ADK: variants seen among roughly 807,000 people sequenced by gnomAD.
ADK encodes N6,N6-dimethyladenosine kinase.
A neutral mutation model predicts 44.7 loss-of-function variants in ADK; 24 were observed. The ratio of observed to expected loss-of-function variants is 0.54; its 90% confidence interval spans 0.39 to 0.76. The LOEUF is 0.76. Among genes scored for constraint, ADK ranks in the 30% least tolerant of loss-of-function variants. ADK has a pLI of 0.00. For synonymous variants in ADK, 128 were observed against 142.6 expected, an observed-to-expected ratio of 0.90 and a Z score of 0.73; for missense variants, 321 against 425.1, an observed-to-expected ratio of 0.76 and a Z score of 2.15.
chr10:74,551,054 G>T (rs975697438), intron 7 of ADK, among the ~76,000 whole-genome samples: 1 of 152,094 alleles, frequency 6.6e-6, no homozygotes, highest in Non-Finnish European at 1.5e-5. Flanking sequence ...AGACAAGCTT[G>T]TATACAAGAG....
intron 6 of ADK, among the ~76,000 whole-genome samples, chr10:74,449,113 C>T (rs1413434159): frequency 1.3e-5 from 2 of 152,178 alleles, no homozygotes; most frequent in Non-Finnish European, 2.9e-5. Context: ...ATAGGGCAGG[C>T]AACCAGGAAG....
At chr10:74,467,057 GATA>G (rs535883272) in intron 6 of ADK, among the ~76,000 whole-genome samples, 28 of 152,078 alleles carry the variant, frequency 1.8e-4, no homozygotes, top group Non-Finnish European at 3.2e-4. Flanking sequence ...AGAAGGAAAA[GATA>G]ATAATCAAAG....
intron 9 of ADK, among the ~76,000 whole-genome samples, chr10:74,658,854 T>A (rs1012703104): frequency 1.3e-5 from 2 of 152,004 alleles, no homozygotes; most frequent in African/African-American, 4.8e-5. Context: ...CTATTAAAGA[T>A]AACAGAAACC....
chr10:74,210,310 A>G (rs1843763926), intron 2 of ADK, among the ~76,000 whole-genome samples: 1 of 144,726 alleles, frequency 6.9e-6, no homozygotes, highest in South Asian at 2.3e-4. Flanking sequence ...CCTGGGCGAC[A>G]GAGTGAGACT....
chr10:74,185,776 CA>C (rs76645502), intron 1 of ADK, among the ~76,000 whole-genome samples: 107,392 of 144,454 alleles, frequency 0.74, 40,272 homozygotes, highest in Middle Eastern at 0.85. Flanking sequence ...GCGGAGCTTG[CA>C]AGTGAGCCGA....
Position 74,535,133 on chromosome 10 carries a change from A to T in ADK, c.726+9707A>T, listed in dbSNP as rs368927025. Among the ~76,000 whole-genome samples, 35 of 152,332 alleles carry T rather than the reference A, an allele frequency of 2.3e-4. 1 individual carries two copies. The highest frequency in any genetic ancestry group is 6.8e-3 in the Middle Eastern group (2 of 294). On this transcript the variant is annotated intron_variant, in intron 7 of 10. Coordinates refer to ENST00000539909, the MANE Select transcript of ADK (RefSeq NM_006721.4). ...AAACATCTGTATTCAGGAGTGCTTC[A>T]TAGGTGTTTTTATGTTTTCTCTCTG...
intron 6 of ADK, among the ~76,000 whole-genome samples, chr10:74,523,471 T>C (rs1848918795): frequency 6.6e-6 from 1 of 152,168 alleles, no homozygotes. Context: ...CCTCCTCTTG[T>C]TTTCTCCTTT....
chr10:74,604,085 T>A (rs1046141338), intron 9 of ADK, among the ~76,000 whole-genome samples: 1 of 152,234 alleles, frequency 6.6e-6, no homozygotes, highest in African/African-American at 2.4e-5. Flanking sequence ...TTGCCCACTT[T>A]TTGATGTGGT....
chr10:74,679,720 G>A (rs1855530343), intron 10 of ADK, among the ~76,000 whole-genome samples: 1 of 152,088 alleles, frequency 6.6e-6, no homozygotes, highest in Admixed American at 6.6e-5. Flanking sequence ...CCAGCACTTT[G>A]GGAGGCTGAG....
intron 9 of ADK, among the ~76,000 whole-genome samples, chr10:74,654,405 A>C (rs968997415): frequency 2.0e-5 from 3 of 152,228 alleles, no homozygotes; most frequent in Non-Finnish European, 2.9e-5. Context: ...CTCTTTATAA[A>C]GAAGAATCAT....
chr10:74,404,199 T>G (rs1462489891), intron 6 of ADK, among the ~76,000 whole-genome samples: 2 of 151,792 alleles, frequency 1.3e-5, no homozygotes, highest in Non-Finnish European at 1.5e-5. Context: ...TTTAATCAGC[T>G]TTGTTAATAT....
intron 1 of ADK, chr10:74,176,630 C>T: frequency 1.4e-6 from 2 of 1,400,270 alleles, no homozygotes; most frequent in Non-Finnish European, 1.9e-6. Flanking sequence ...ACGAGACACG[C>T]GGTGGCCCAC....
chr10:74,213,547 G>C (rs1843904833), intron 2 of ADK, among the ~76,000 whole-genome samples: 1 of 151,968 alleles, frequency 6.6e-6, no homozygotes, highest in African/African-American at 2.4e-5. Flanking sequence ...AGAGTAAAAA[G>C]TAAAAGGAGT....
Position 74,243,191 on chromosome 10 carries a change from C to A in ADK, c.194+18600C>A, listed in dbSNP as rs375043326. ...AACACTTTCTCTGGGGTTTTGGGGT[C>A]GTGGGCACCCTCACCTGGGTGCTGC... On this transcript the variant is annotated intron_variant, in intron 3 of 10. Coordinates refer to ENST00000539909, the MANE Select transcript of ADK (RefSeq NM_006721.4). 3.7e-4 allele frequency among the ~76,000 whole-genome samples: 57 copies of A among 152,248 alleles called. 2 individuals carry two copies. The highest frequency in any genetic ancestry group is 1.3e-3 in the African/African-American group (56 of 41,542).
intron 6 of ADK, among the ~76,000 whole-genome samples, chr10:74,399,055 C>A (rs546801512): frequency 2.0e-5 from 3 of 151,726 alleles, no homozygotes; most frequent in South Asian, 2.1e-4. Flanking sequence ...AAACATTGAT[C>A]GTGACAAATC....
intron 1 of ADK, among the ~76,000 whole-genome samples, chr10:74,168,501 T>G (rs1308196090): frequency 7.5e-6 from 1 of 133,662 alleles, no homozygotes; most frequent in Non-Finnish European, 1.5e-5. Context: ...ATCGCGCCAC[T>G]GCACTCCAGC....
chr10:74,313,330 T>G (rs540701029), intron 3 of ADK, among the ~76,000 whole-genome samples: 41 of 152,110 alleles, frequency 2.7e-4, no homozygotes, highest in East Asian at 7.7e-4. Flanking sequence ...CTGTTTTTTT[T>G]GGGGGGGAGA....
At chr10:74,588,003 C>T (rs1851588261) in intron 7 of ADK, among the ~76,000 whole-genome samples, 1 of 151,816 alleles carries the variant, frequency 6.6e-6, no homozygotes. Context: ...TTTTAATGCT[C>T]AACTGTTTTT....
chr10:74,244,223 T>A (rs1315767535), intron 3 of ADK, among the ~76,000 whole-genome samples: 2 of 152,210 alleles, frequency 1.3e-5, no homozygotes, highest in Non-Finnish European at 1.5e-5. Context: ...TTCAAAGAAG[T>A]ATTCATAAGG....
Sources: allele counts gnomAD v4.1 joint callset (sites outside exome capture counted in the v4.1 genomes callset), GRCh38; gene constraint gnomAD v4.1.1; transcripts MANE v1.5; gene names NCBI Gene and HGNC (gene_info 2026-07-23, HGNC 2026-07-21).